TUBGCP5: variants seen among roughly 807,000 people sequenced by gnomAD.
TUBGCP5 encodes the protein tubulin gamma complex component 5, also known as gamma-tubulin complex component 5.
Under a neutral mutation model 134.7 loss-of-function variants are expected in TUBGCP5, and 98 were observed. The observed-to-expected ratio is 0.73, with a 90% CI of 0.62 to 0.86. The LOEUF (loss-of-function observed/expected upper bound fraction) is 0.86, where lower values mean the gene tolerates loss of function less well. Ranked by LOEUF, TUBGCP5 falls within the 40% of genes least tolerant of loss-of-function variation. The probability of loss-of-function intolerance (pLI) is 0.00; values close to 1 mark genes in which losing one functional copy is unlikely to be tolerated. For synonymous variants in TUBGCP5, 456 were observed against 431.4 expected, an observed-to-expected ratio of 1.06 and a Z score of -0.71; for missense variants, 1,150 against 1,244.8, an observed-to-expected ratio of 0.92 and a Z score of 1.15.
intron 23 of TUBGCP5, among the ~76,000 whole-genome samples, chr15:22,985,125 C>T: frequency 6.6e-6 from 1 of 152,282 alleles, no homozygotes; most frequent in Non-Finnish European, 1.5e-5. Flanking sequence ...TATATATCTC[C>T]TATGATGGTA....
chr15:22,983,381 G>T (rs1011183818), exon 24 of TUBGCP5: 1 of 152,168 alleles, frequency 6.6e-6, no homozygotes, highest in Admixed American at 6.5e-5. Flanking sequence ...ATGTCTGAAA[G>T]GACAGATAGT....
At chr15:22,987,767 G>A (rs1300331502) in intron 23 of TUBGCP5, among the ~76,000 whole-genome samples, 6 of 151,496 alleles carry the variant, frequency 4.0e-5, no homozygotes, top group African/African-American at 1.5e-4. Context: ...GTGGTGGCGG[G>A]TGCCTGTAGT....
At chr15:22,995,062 G>C (rs966766666), downstream of TUBGCP5, among the ~76,000 whole-genome samples, 1 of 152,024 alleles carries the variant, frequency 6.6e-6, no homozygotes, top group Non-Finnish European at 1.5e-5. Flanking sequence ...TGGCTAACAC[G>C]GTGAGACCCC....
In TUBGCP5 at chr15:23,000,653, T is replaced by G; in HGVS notation, c.2944A>C (p.Lys982Gln). 1 of 1,604,262 alleles carries G rather than the reference T, an allele frequency of 6.2e-7. No individual in the cohort carries two copies. The highest frequency in any genetic ancestry group is 1.3e-5 in the African/African-American group (1 of 74,764). Residue 982 changes from lysine (K) to glutamine (Q), a missense_variant, in exon 22 of 23, where the codon AAA becomes CAA. Lys to Gln is a moderately conservative substitution (Grantham distance 53). Coordinates refer to ENST00000615383, the MANE Select transcript of TUBGCP5 (RefSeq NM_052903.6). The stretch of plus-strand genomic sequence containing the variant: ...CAGTTTTTAAAATCAGATTCCATTT[T>G]CTCTATAGATTCCATTCTAGGAATA... ...LGTWRMESIE[K>Q]MESDFKNCHM...
Position 23,032,784 on chromosome 15 carries a change from AG to A in TUBGCP5, c.349del (p.Leu117CysfsTer31). Reference protein sequence around the residue: ...HYSILSLLLCLSDSPSNSSYV... With the variant: ...HYSILSLLLCXSDSPSNSSYV... The stretch of plus-strand genomic sequence containing the variant: ...ACTGCTGTTTGAAGGAGAGTCTGAC[AG>A]ACACAGAAGAAGTGACAGTATGGAA... On this transcript the variant is annotated frameshift_variant, in exon 4 of 23. Transcript: ENST00000615383. LOFTEE classifies it high-confidence loss of function. 1.3e-6 allele frequency: 2 copies of A among 1,597,514 alleles called. No individual in the cohort carries two copies. The highest frequency in any genetic ancestry group is 1.7e-6 in the Non-Finnish European group (2 of 1,174,388).
At position 23,017,836 on chromosome 15, in the gene TUBGCP5, A is replaced by T; in HGVS notation, c.1693T>A (p.Ser565Thr). Residue 565 changes from serine (S) to threonine (T), a missense_variant, in exon 13 of 23, where the codon TCG (serine) becomes ACG (threonine). Around this residue, in one of 2 missense-constraint regions of TUBGCP5, gnomAD observed 697 missense variants for 850.1 expected, o/e 0.82. Coordinates refer to ENST00000615383, the MANE Select transcript of TUBGCP5 (RefSeq NM_052903.6). ...TGCAGGTTCTTCAGCAGCTGCATCG[A>T]CTTGCCAGCCATTATGATCTGCTTC... ...VLKQIIMAGKSMQLLKNLQCA... is the reference protein window; with the variant it reads ...VLKQIIMAGKTMQLLKNLQCA... The T allele has an allele frequency of 6.2e-7, 1 of 1,614,024 alleles. No individual in the cohort carries two copies. The highest frequency in any genetic ancestry group is 8.5e-7 in the Non-Finnish European group (1 of 1,179,920).
chr15:23,008,911 G>C (rs1187432527), intron 15 of TUBGCP5, 30 bp from the exon 16 acceptor site: 1 of 1,505,854 alleles, frequency 6.6e-7, no homozygotes, highest in South Asian at 1.3e-5. Context: ...GTGACACTAA[G>C]ATCTCTGGCA....
intron 14 of TUBGCP5, among the ~76,000 whole-genome samples, chr15:23,010,448 A>G (rs932640772): frequency 3.3e-5 from 5 of 152,188 alleles, no homozygotes; most frequent in Admixed American, 3.3e-4. Context: ...AAAGCAGCTT[A>G]AGCCCAGGAC....
At chr15:22,992,605 G>C (rs2063883374) in intron 23 of TUBGCP5, among the ~76,000 whole-genome samples, 1 of 152,132 alleles carries the variant, frequency 6.6e-6, no homozygotes, top group South Asian at 2.1e-4. Flanking sequence ...TAACAGGTGG[G>C]CATGGCTCTG....
downstream of TUBGCP5, among the ~76,000 whole-genome samples, chr15:22,998,012 A>G (rs777073447): frequency 2.7e-4 from 41 of 152,056 alleles, no homozygotes; most frequent in Non-Finnish European, 4.4e-4. Context: ...TGGTTAGCTC[A>G]CAAAAATTGC....
Position 23,039,551 on chromosome 15 carries a change from G to T in TUBGCP5, c.-8C>A, listed in dbSNP as rs765841506. 1 of 1,414,518 alleles carries T rather than the reference G, an allele frequency of 7.1e-7. No individual in the cohort carries two copies. The highest frequency in any genetic ancestry group is 1.5e-5 in the South Asian group (1 of 65,574). The allele number at this position is 1,414,518 out of a possible 1,614,324, so 87.6% of individuals were successfully genotyped here. A position where few individuals can be genotyped will look rare whatever the true frequency, so the allele number is the denominator to read the frequency against. On this transcript the variant is annotated 5_prime_UTR_variant, in exon 1 of 23. Transcript: ENST00000615383. ...TGGCCCGTGCCGCGCCATGTTCCGC[G>T]CTCCTGCAGCGCGCGTCTAACGAAT...
At chr15:23,007,905 G>C (rs2064818558) in intron 16 of TUBGCP5, among the ~76,000 whole-genome samples, 1 of 152,104 alleles carries the variant, frequency 6.6e-6, no homozygotes, top group African/African-American at 2.4e-5. Context: ...GAGGCTGAGA[G>C]ACACAGAGGT....
Position 23,024,091 on chromosome 15 carries a change from T to C in TUBGCP5, c.1024A>G (p.Met342Val). ...DEVMGHSSES[M>V]LPGSGSVPKK... ...GGAACAGACCCACTTCCAGGCAGCA[T>C]GCTCTCAGAACTGTGTCCCATGACT... Residue 342 changes from methionine to valine, a missense_variant, in exon 10 of 23, where the codon ATG becomes GTG. Transcript: ENST00000615383. 1 of 1,614,190 alleles carries C rather than the reference T, an allele frequency of 6.2e-7. No homozygotes were observed. The highest frequency in any genetic ancestry group is 8.5e-7 in the Non-Finnish European group (1 of 1,180,024).
chr15:22,995,802 G>A (rs558141519), downstream of TUBGCP5, among the ~76,000 whole-genome samples: 1 of 151,928 alleles, frequency 6.6e-6, no homozygotes, highest in South Asian at 2.1e-4. Context: ...AACATGTCAT[G>A]GCCAGAGGCA....
At chr15:23,018,145 T>C in intron 12 of TUBGCP5, 104 bp from the exon 13 acceptor site, 1 of 1,234,874 alleles carries the variant, frequency 8.1e-7, no homozygotes. Context: ...GTATTAATTA[T>C]TAGTAAACTG....
intron 14 of TUBGCP5, among the ~76,000 whole-genome samples, chr15:23,010,601 C>A (rs979447657): frequency 6.6e-6 from 1 of 152,142 alleles, no homozygotes; most frequent in Non-Finnish European, 1.5e-5. Context: ...GGTGGCAGGG[C>A]CAAGTCTGCA....
intron 1 of TUBGCP5, among the ~76,000 whole-genome samples, chr15:23,038,430 A>AT (rs2066721365): frequency 6.6e-6 from 1 of 152,198 alleles, no homozygotes; most frequent in African/African-American, 2.4e-5. Flanking sequence ...TTCAGCATTT[A>AT]AGTTTCTGTA....
At chr15:23,039,363 T>C (rs912098208) in intron 1 of TUBGCP5, 35 bp downstream of exon 1, 2 of 1,373,360 alleles carry the variant, frequency 1.5e-6, no homozygotes, top group Non-Finnish European at 9.5e-7. Flanking sequence ...CTCCGGGCTG[T>C]GGCCGGGAAC....
At chr15:23,031,876 G>A in intron 5 of TUBGCP5, 74 bp downstream of exon 5, 1 of 1,190,284 alleles carries the variant, frequency 8.4e-7, no homozygotes, top group East Asian at 2.4e-5. Flanking sequence ...ACCTAGGGTG[G>A]AAAGACCCAT....
Sources: allele counts gnomAD v4.1 joint callset (sites outside exome capture counted in the v4.1 genomes callset), GRCh38; gene constraint gnomAD v4.1.1; regional missense constraint gnomAD v4.1.1; transcripts MANE v1.5; gene names NCBI Gene and HGNC (gene_info 2026-07-23, HGNC 2026-07-21).